ZC3H12B: variants seen among roughly 807,000 people sequenced by gnomAD.
ZC3H12B encodes probable ribonuclease ZC3H12B.
ZC3H12B carries 7 observed loss-of-function variants against 43.9 expected under a neutral mutation model. The observed-to-expected ratio is 0.16, with a 90% CI of 0.09 to 0.30. The LOEUF is 0.30. Among genes scored for constraint, ZC3H12B ranks in the 10% least tolerant of loss-of-function variants. The pLI is 1.00. For synonymous variants in ZC3H12B, 222 were observed against 241.7 expected, an observed-to-expected ratio of 0.92 and a Z score of 0.76; for missense variants, 475 against 670.2, an observed-to-expected ratio of 0.71 and a Z score of 3.22.
At chrX:65,419,627 C>T (rs1023547839) in intron 3 of ZC3H12B, among the ~76,000 whole-genome samples, 1 of 111,436 alleles carries the variant, frequency 9.0e-6, no homozygotes, top group African/African-American at 3.3e-5. Flanking sequence ...GTCCCAACTC[C>T]AGCCCCAGGC....
At chrX:65,239,510 G>C in the ZC3H12B span, among the ~76,000 whole-genome samples, 1 of 110,370 alleles carries the variant, frequency 9.1e-6, no homozygotes. Flanking sequence ...ACAGCATACT[G>C]ATGGGTCTTG....
chrX:65,267,596 A>C, the ZC3H12B span, among the ~76,000 whole-genome samples: 2 of 111,787 alleles, frequency 1.8e-5, no homozygotes, highest in African/African-American at 3.2e-5. Context: ...TAAAGATCTG[A>C]AAGGAACAGT....
chrX:65,486,999 A>G (rs1986728930), upstream of ZC3H12B, among the ~76,000 whole-genome samples: 2 of 112,729 alleles, frequency 1.8e-5, no homozygotes, highest in African/African-American at 3.2e-5. Context: ...AAGAAAATAA[A>G]TTGTAAGTCA....
In ZC3H12B at chrX:65,441,433, T is replaced by A. The variant is rs758896173; in HGVS notation, n.407+42729T>A. On this transcript the variant is annotated intron_variant and non_coding_transcript_variant, in intron 3 of 5. Transcript: ENST00000617377. ...TTGAATAGTTATTTCACAGGTAGGA[T>A]GTTTATCAGTAATTTGATTTACCCA... Among the ~76,000 whole-genome samples, 75 of 111,894 alleles carry A rather than the reference T, an allele frequency of 6.7e-4. No individual in the cohort carries two copies. The South Asian group carries it at 0.026, about 39-fold the overall frequency.
intron 3 of ZC3H12B, among the ~76,000 whole-genome samples, chrX:65,441,059 AT>A (rs2067294961): frequency 9.0e-6 from 1 of 111,710 alleles, no homozygotes; most frequent in African/African-American, 3.3e-5. Context: ...AACCTTGCAA[AT>A]TTTTTTCTAG....
intron 2 of ZC3H12B, among the ~76,000 whole-genome samples, chrX:65,371,811 T>C (rs2066248653): frequency 8.9e-6 from 1 of 111,788 alleles, no homozygotes; most frequent in Admixed American, 9.5e-5. Context: ...AGAGAAAGAA[T>C]AAAGAACGGG....
chrX:65,247,210 T>C, the ZC3H12B span, among the ~76,000 whole-genome samples: 2 of 112,397 alleles, frequency 1.8e-5, no homozygotes, highest in Non-Finnish European at 3.8e-5. Flanking sequence ...ATAATCAGAA[T>C]GACTATTATT....
the ZC3H12B span, among the ~76,000 whole-genome samples, chrX:65,090,863 C>G: frequency 1.8e-5 from 2 of 111,225 alleles, no homozygotes; most frequent in Non-Finnish European, 3.8e-5. Flanking sequence ...AGCACTATCC[C>G]TTTGTTGCTG....
At chrX:65,240,439 A>G in the ZC3H12B span, among the ~76,000 whole-genome samples, 3 of 111,839 alleles carry the variant, frequency 2.7e-5, no homozygotes, top group Non-Finnish European at 5.6e-5. Flanking sequence ...ATGCCTGTGT[A>G]AAGTTGCTAT....
the ZC3H12B span, among the ~76,000 whole-genome samples, chrX:65,157,859 T>C: frequency 3.8e-5 from 4 of 105,818 alleles, no homozygotes; most frequent in African/African-American, 1.4e-4. Flanking sequence ...GCCATGCTGG[T>C]GTGCTGCACC....
Position 65,392,880 on chromosome X carries a change from C to T in ZC3H12B, n.296-5713C>T, listed in dbSNP as rs1161049008. On this transcript the variant is annotated intron_variant and non_coding_transcript_variant, in intron 2 of 5. Coordinates refer to the ZC3H12B transcript ENST00000617377. ...TGTAGAACGAAGTAGACATAGGAGG[C>T]TCCATTTTGCTCTGTACTAAGAAAA... Among the ~76,000 whole-genome samples the T allele has an allele frequency of 2.7e-5, 3 of 112,212 alleles. No homozygotes were observed. The East Asian group carries it at 8.5e-4, about 32-fold the overall frequency.
At chrX:65,347,726 C>T in the ZC3H12B span, among the ~76,000 whole-genome samples, 1 of 112,203 alleles carries the variant, frequency 8.9e-6, no homozygotes, top group Admixed American at 9.4e-5. Context: ...CCCAGGCATC[C>T]CATTACTGGG....
the ZC3H12B span, among the ~76,000 whole-genome samples, chrX:65,255,320 C>A: frequency 3.7e-3 from 411 of 111,632 alleles, 1 homozygote; most frequent in Admixed American, 7.4e-3. Flanking sequence ...GGCTGGTCAC[C>A]AGCAAAGGGG....
At chrX:65,091,999 G>T in the ZC3H12B span, among the ~76,000 whole-genome samples, 1 of 111,458 alleles carries the variant, frequency 9.0e-6, no homozygotes, top group African/African-American at 3.3e-5. Context: ...CTTTATAATT[G>T]GTTCAGCGCC....
At chrX:65,110,720 T>C in the ZC3H12B span, among the ~76,000 whole-genome samples, 4 of 111,952 alleles carry the variant, frequency 3.6e-5, no homozygotes, top group East Asian at 1.1e-3. Context: ...TTAGTTTCTT[T>C]ATCTTTCCAT....
the ZC3H12B span, among the ~76,000 whole-genome samples, chrX:65,347,416 G>C: frequency 8.9e-6 from 1 of 111,792 alleles, no homozygotes; most frequent in Non-Finnish European, 1.9e-5. Context: ...CCATCAAAAA[G>C]TGGGCAAAGG....
intron 2 of ZC3H12B, among the ~76,000 whole-genome samples, chrX:65,369,208 G>C (rs986630714): frequency 4.5e-5 from 5 of 111,614 alleles, no homozygotes; most frequent in Non-Finnish European, 9.4e-5. Flanking sequence ...AAATATGTAG[G>C]CTTTTGGAAT....
At chrX:65,230,493 C>T in the ZC3H12B span, among the ~76,000 whole-genome samples, 1 of 107,998 alleles carries the variant, frequency 9.3e-6, no homozygotes, top group African/African-American at 3.4e-5. Flanking sequence ...TTGTAACTAA[C>T]CTGCACATTG....
the ZC3H12B span, among the ~76,000 whole-genome samples, chrX:65,216,219 A>G: frequency 8.9e-6 from 1 of 112,066 alleles, no homozygotes; most frequent in Admixed American, 9.5e-5. Flanking sequence ...GGAAAGGGTT[A>G]TTGGAAAGGG....
Sources: allele counts gnomAD v4.1 joint callset (sites outside exome capture counted in the v4.1 genomes callset), GRCh38; gene constraint gnomAD v4.1.1; transcripts MANE v1.5; gene names NCBI Gene and HGNC (gene_info 2026-07-23, HGNC 2026-07-21).